CSMD1: variants seen among roughly 807,000 people sequenced by gnomAD.
CSMD1 encodes CUB and sushi domain-containing protein 1.
In CSMD1, 213 loss-of-function variants were observed where a neutral mutation model predicts 417.5. The observed-to-expected ratio is 0.51, with a 90% CI of 0.46 to 0.57. CSMD1 has a LOEUF of 0.57. CSMD1 is among the 20% of genes least tolerant of loss of function. CSMD1 has a pLI of 0.00. For missense variants in CSMD1, 6,923 were observed against 4,529.7 expected, an observed-to-expected ratio of 1.53 and a Z score of -15.17; for synonymous variants, 2,862 against 1,736.8, an observed-to-expected ratio of 1.65 and a Z score of -16.11.
intron 3 of CSMD1, among the ~76,000 whole-genome samples, chr8:4,361,667 G>C (rs1337771800): frequency 2.0e-5 from 3 of 152,072 alleles, no homozygotes; most frequent in Non-Finnish European, 4.4e-5. Flanking sequence ...TTTCCTATCA[G>C]CAGCCAGGTG....
chr8:3,574,497 T>G (rs995594300), intron 10 of CSMD1, among the ~76,000 whole-genome samples: 1 of 152,180 alleles, frequency 6.6e-6, no homozygotes, highest in Non-Finnish European at 1.5e-5. Context: ...TCCACCCACT[T>G]TGGCCTCCCA....
chr8:4,186,989 T>C (rs909232609), intron 3 of CSMD1, among the ~76,000 whole-genome samples: 1 of 152,034 alleles, frequency 6.6e-6, no homozygotes, highest in Admixed American at 6.6e-5. Context: ...CTCAAAAAAA[T>C]ATAAATAAAA....
chr8:4,188,045 G>T (rs28628133), intron 3 of CSMD1, among the ~76,000 whole-genome samples: 3 of 151,818 alleles, frequency 2.0e-5, no homozygotes, highest in Admixed American at 1.3e-4. Context: ...TGCAAACTTC[G>T]TCCTAGTCAT....
At chr8:3,854,417 G>T (rs1185310708) in intron 5 of CSMD1, among the ~76,000 whole-genome samples, 1 of 151,952 alleles carries the variant, frequency 6.6e-6, no homozygotes, top group African/African-American at 2.4e-5. Context: ...ACTTTTTAAT[G>T]CTACTGTTTA....
At chr8:3,882,423 G>A (rs1236081195) in intron 5 of CSMD1, among the ~76,000 whole-genome samples, 1 of 152,188 alleles carries the variant, frequency 6.6e-6, no homozygotes, top group African/African-American at 2.4e-5. Context: ...TGTTGGTTAT[G>A]TGGAGCAACT....
In CSMD1 at chr8:3,817,186, A is replaced by G. The variant is rs7821381; in HGVS notation, c.819-63144T>C. On this transcript the variant is annotated intron_variant, in intron 5 of 69. Transcript: ENST00000635120. ...AAGAGACGACCCCTCCCCCTCCCCA[A>G]TGAAAATGGTCAATTGTCCACTCTG... Among the ~76,000 whole-genome samples, 666 of 145,644 alleles carry G rather than the reference A, an allele frequency of 4.6e-3. 6 individuals carry two copies. The highest frequency in any genetic ancestry group is 0.016 in the African/African-American group (623 of 39,946).
In CSMD1 at chr8:4,427,939, G is replaced by C. The variant is rs76918617; in HGVS notation, c.303-7874C>G. On this transcript the variant is annotated intron_variant, in intron 2 of 69. Transcript: ENST00000635120. ...CTTTATTTAAGGCACTTTATTTAAA[G>C]TTATGTTTTCAAATGTTTTTCTGAC... 1.3e-3 allele frequency among the ~76,000 whole-genome samples: 205 copies of C among 152,264 alleles called. 1 individual carries two copies. The East Asian group carries it at 0.035, about 26-fold the overall frequency.
At chr8:4,682,691 T>G (rs1300783392) in intron 1 of CSMD1, among the ~76,000 whole-genome samples, 1 of 151,826 alleles carries the variant, frequency 6.6e-6, no homozygotes, top group Non-Finnish European at 1.5e-5. Flanking sequence ...CTTCTTACCT[T>G]GGAAAAATGA....
chr8:4,468,247 T>G (rs1800310994), intron 2 of CSMD1, among the ~76,000 whole-genome samples: 1 of 152,204 alleles, frequency 6.6e-6, no homozygotes, highest in African/African-American at 2.4e-5. Flanking sequence ...GAGAGCTGGC[T>G]GACTTCTGAG....
intron 5 of CSMD1, among the ~76,000 whole-genome samples, chr8:3,984,150 C>G (rs552555388): frequency 6.6e-6 from 1 of 150,940 alleles, no homozygotes; most frequent in South Asian, 2.1e-4. Context: ...TCAATTGCAG[C>G]TCTAGAGCAC....
chr8:4,386,137 G>C (rs112938678), intron 3 of CSMD1, among the ~76,000 whole-genome samples: 12,784 of 151,870 alleles, frequency 0.084, 698 homozygotes, highest in South Asian at 0.19. Context: ...CAAACCTTCC[G>C]TCCCTGGTTA....
chr8:3,472,142 G>GCA (rs1476512537), intron 11 of CSMD1, among the ~76,000 whole-genome samples: 9 of 152,072 alleles, frequency 5.9e-5, no homozygotes, highest in Non-Finnish European at 1.3e-4. Flanking sequence ...TGCTTGTAAA[G>GCA]TGACTCAAGG....
chr8:4,069,432 C>T (rs1363205635), intron 3 of CSMD1, among the ~76,000 whole-genome samples: 2 of 152,146 alleles, frequency 1.3e-5, no homozygotes, highest in Non-Finnish European at 2.9e-5. Context: ...CTATGATATT[C>T]ACCGTAAAGG....
At chr8:3,090,709 G>A (rs1278605418) in intron 48 of CSMD1, among the ~76,000 whole-genome samples, 1 of 152,090 alleles carries the variant, frequency 6.6e-6, no homozygotes, top group Non-Finnish European at 1.5e-5. Context: ...ATCTTTCACG[G>A]GAAAACATAA....
chr8:4,841,270 T>C (rs761779021), intron 1 of CSMD1, among the ~76,000 whole-genome samples: 2 of 152,256 alleles, frequency 1.3e-5, no homozygotes, highest in Non-Finnish European at 2.9e-5. Context: ...ATGCAGCCTT[T>C]GGTTATTGAT....
At chr8:4,393,724 ATC>A (rs1441639649) in intron 3 of CSMD1, among the ~76,000 whole-genome samples, 1 of 152,162 alleles carries the variant, frequency 6.6e-6, no homozygotes, top group Non-Finnish European at 1.5e-5. Context: ...GACCTTGAAA[ATC>A]TCTGATCCAT....
At position 3,397,803 on chromosome 8, in the gene CSMD1, G is replaced by A. The variant is rs113655935; in HGVS notation, c.2406-1422C>T. The stretch of plus-strand genomic sequence containing the variant: ...ATGACGTTGGAAACAGAAACATCTG[G>A]ATGTTCTTTGCTGTTGGGCAGCCTA... On this transcript the variant is annotated intron_variant, in intron 16 of 69. Transcript: ENST00000635120. 3.7e-3 allele frequency among the ~76,000 whole-genome samples: 566 copies of A among 152,242 alleles called. 4 individuals are homozygous for A. Among genetic ancestry groups the A allele is most frequent in the Admixed American group, 9.2e-3 (141 of 15,282 alleles).
intron 2 of CSMD1, among the ~76,000 whole-genome samples, chr8:4,498,681 TACCTACTTTGTGGTTCCAGA>T (rs1220268056): frequency 2.6e-5 from 4 of 152,166 alleles, no homozygotes; most frequent in Admixed American, 6.5e-5. Flanking sequence ...GTTTATCGAG[TACCTACTTTGTGGTTCCAGA>T]CAGTTAGCTA....
chr8:4,096,837 G>C (rs753324427), intron 3 of CSMD1, among the ~76,000 whole-genome samples: 9 of 152,230 alleles, frequency 5.9e-5, no homozygotes, highest in Non-Finnish European at 1.2e-4. Context: ...ATTTAATGGA[G>C]GTGTGTGTCT....
Sources: allele counts gnomAD v4.1 joint callset (sites outside exome capture counted in the v4.1 genomes callset), GRCh38; gene constraint gnomAD v4.1.1; transcripts MANE v1.5; gene names NCBI Gene and HGNC (gene_info 2026-07-23, HGNC 2026-07-21).